The following GLIS3 variants were observed in gnomAD, a reference collection of about 807,000 sequenced individuals.
GLIS3 encodes the protein zinc finger protein GLIS3.
A neutral mutation model predicts 78.6 loss-of-function variants in GLIS3; 53 were observed. The ratio of observed to expected loss-of-function variants is 0.67; its 90% CI spans 0.54 to 0.85. GLIS3 has a LOEUF of 0.85. Ranked by LOEUF, GLIS3 falls within the 40% of genes least tolerant of loss-of-function variation. The pLI is 0.00. For synonymous variants in GLIS3, 684 were observed against 509.9 expected (o/e 1.34, Z -4.60); for missense variants, 1,703 against 1,231.1 (o/e 1.38, Z -5.74).
At chr9:4,057,714 A>T (rs1335568574) in intron 4 of GLIS3, among the ~76,000 whole-genome samples, 2 of 152,056 alleles carry the variant, frequency 1.3e-5, no homozygotes, top group African/African-American at 4.8e-5. Context: ...GCTAGGAAAA[A>T]AAAATAGTTT....
rs536690240 is a variant in GLIS3, at chr9:4,313,498, G to A, written n.265-2970C>T. Reference sequence around the variant, plus strand: ...CAGCCAGACCATTTCTCTAACCTCCGCGTGGCTCCATTGGCCTCCAGTCTC... The same window carrying A: ...CAGCCAGACCATTTCTCTAACCTCCACGTGGCTCCATTGGCCTCCAGTCTC... On this transcript the variant is annotated intron_variant and non_coding_transcript_variant, in intron 2 of 4. Coordinates refer to the GLIS3 transcript ENST00000471664. Among the ~76,000 whole-genome samples the A allele has an allele frequency of 5.3e-5, 8 of 152,180 alleles. No homozygotes were observed. The South Asian group carries it at 6.2e-4, about 12-fold the overall frequency.
At chr9:4,286,017 G>A (rs12350097) in intron 2 of GLIS3, 21 bp downstream of exon 2, 46 of 1,613,860 alleles carry the variant, frequency 2.9e-5, no homozygotes, top group South Asian at 1.6e-4. Flanking sequence ...TTTTTAAAAG[G>A]TTCCAGAAAG....
chr9:3,876,195 T>C (rs1330974496), intron 8 of GLIS3, among the ~76,000 whole-genome samples: 2 of 152,188 alleles, frequency 1.3e-5, no homozygotes, highest in Non-Finnish European at 2.9e-5. Context: ...ATCCAAACCA[T>C]GGAACCCTGG....
At chr9:4,077,160 A>G (rs1477018988) in intron 4 of GLIS3, among the ~76,000 whole-genome samples, 4 of 152,236 alleles carry the variant, frequency 2.6e-5, no homozygotes, top group African/African-American at 4.8e-5. Flanking sequence ...TTGAACATTT[A>G]TGATTTTTCC....
intron 2 of GLIS3, among the ~76,000 whole-genome samples, chr9:4,229,904 T>G (rs188240407): frequency 1.2e-3 from 176 of 152,324 alleles, no homozygotes; most frequent in African/African-American, 4.0e-3. Context: ...AACACTGATA[T>G]TTACACTGAA....
chr9:3,861,549 A>AT (rs58611586), intron 8 of GLIS3, among the ~76,000 whole-genome samples: 152,294 of 152,294 alleles, frequency 1, 76,147 homozygotes, highest in Non-Finnish European at 1. Context: ...ATGCCCATCA[A>AT]GATAGACCGG....
intron 2 of GLIS3, among the ~76,000 whole-genome samples, chr9:4,224,529 C>T (rs1390205362): frequency 6.6e-6 from 1 of 152,110 alleles, no homozygotes; most frequent in African/African-American, 2.4e-5. Flanking sequence ...ACCTTATGGA[C>T]ACTAAGATTC....
chr9:4,244,450 C>T (rs963284393), intron 2 of GLIS3, among the ~76,000 whole-genome samples: 2 of 152,010 alleles, frequency 1.3e-5, no homozygotes, highest in Non-Finnish European at 2.9e-5. Flanking sequence ...AAAATGAGTA[C>T]AAAAAGAAAG....
chr9:4,462,500 T>A, the GLIS3 span, among the ~76,000 whole-genome samples: 1 of 152,074 alleles, frequency 6.6e-6, no homozygotes, highest in Non-Finnish European at 1.5e-5. Context: ...CTCATGCCTG[T>A]AATCCCAGCA....
intron 4 of GLIS3, among the ~76,000 whole-genome samples, chr9:3,978,662 T>C (rs973726595): frequency 6.6e-6 from 1 of 152,028 alleles, no homozygotes; most frequent in African/African-American, 2.4e-5. Flanking sequence ...ACAGAGTACA[T>C]GAACATGTAC....
At chr9:4,303,078 C>G (rs141517616), upstream of GLIS3, among the ~76,000 whole-genome samples, 19 of 152,154 alleles carry the variant, frequency 1.2e-4, no homozygotes, top group Non-Finnish European at 2.5e-4. Flanking sequence ...ATCCTGACAG[C>G]AAAACTTCAG....
At chr9:3,959,626 C>T (rs1005120467) in intron 4 of GLIS3, among the ~76,000 whole-genome samples, 1 of 152,188 alleles carries the variant, frequency 6.6e-6, no homozygotes, top group African/African-American at 2.4e-5. Flanking sequence ...TCCTAAAACG[C>T]ATAAAGCCCT....
At chr9:4,018,849 G>A (rs1327804098) in intron 4 of GLIS3, among the ~76,000 whole-genome samples, 2 of 152,190 alleles carry the variant, frequency 1.3e-5, no homozygotes, top group Non-Finnish European at 2.9e-5. Flanking sequence ...AGTTTTCCCT[G>A]ACTAGAAAAG....
chr9:4,229,148 G>C (rs1427306703), intron 2 of GLIS3, among the ~76,000 whole-genome samples: 3 of 152,160 alleles, frequency 2.0e-5, no homozygotes, highest in African/African-American at 4.8e-5. Flanking sequence ...ATGTATAAAA[G>C]ATGTGAGGAA....
chr9:4,248,068 A>T (rs954735049), intron 2 of GLIS3, among the ~76,000 whole-genome samples: 1 of 152,130 alleles, frequency 6.6e-6, no homozygotes, highest in African/African-American at 2.4e-5. Context: ...GTCTCTGAGA[A>T]CCATTATTCT....
At chr9:4,473,645 T>C in the GLIS3 span, among the ~76,000 whole-genome samples, 1 of 151,204 alleles carries the variant, frequency 6.6e-6, no homozygotes, top group South Asian at 2.1e-4. Flanking sequence ...TATCAGAGAG[T>C]GGAGGGTGGG....
At chr9:4,235,298 C>CAAAAAAAAAAAA (rs60654092) in intron 2 of GLIS3, among the ~76,000 whole-genome samples, 1 of 106,066 alleles carries the variant, frequency 9.4e-6, no homozygotes, top group Non-Finnish European at 1.8e-5. Context: ...GACTCTGTCT[C>CAAAAAAAAAAAA]AAAAAAAAAA....
chr9:3,844,508 T>G (rs1818920346), intron 9 of GLIS3, among the ~76,000 whole-genome samples: 1 of 152,194 alleles, frequency 6.6e-6, no homozygotes, highest in African/African-American at 2.4e-5. Context: ...ATGTCATTAC[T>G]TCCCCCAAAG....
intron 2 of GLIS3, among the ~76,000 whole-genome samples, chr9:4,161,965 C>T (rs1835515121): frequency 1.3e-5 from 2 of 151,984 alleles, no homozygotes; most frequent in East Asian, 1.9e-4. Flanking sequence ...GGATTACAGG[C>T]GTGAGCCACT....
Sources: gnomAD v4.1 joint callset for allele counts (sites outside exome capture counted in the v4.1 genomes callset) on GRCh38, gnomAD v4.1.1 for gene constraint, MANE v1.5 for transcripts, NCBI Gene and HGNC (gene_info 2026-07-23, HGNC 2026-07-21) for gene names.